CACNB2: variants seen among roughly 807,000 people sequenced by gnomAD.
The protein encoded by CACNB2 is calcium voltage-gated channel auxiliary subunit beta 2.
In CACNB2, 42 loss-of-function variants were observed where a neutral mutation model predicts 73.3. The ratio of observed to expected loss-of-function variants is 0.57; its 90% confidence interval spans 0.45 to 0.74. The LOEUF is 0.74. Among genes scored for constraint, CACNB2 ranks in the 30% least tolerant of loss-of-function variants. The probability of loss-of-function intolerance (pLI) is 0.00; values close to 1 mark genes in which losing one functional copy is unlikely to be tolerated. For synonymous variants in CACNB2, 348 were observed against 310.3 expected, an observed-to-expected ratio of 1.12 and a Z score of -1.28; for missense variants, 940 against 853.0, an observed-to-expected ratio of 1.10 and a Z score of -1.27.
intron 5 of CACNB2, among the ~76,000 whole-genome samples, chr10:18,504,864 C>G (rs181716078): frequency 1.6e-4 from 24 of 152,320 alleles, no homozygotes; most frequent in African/African-American, 4.8e-4. Flanking sequence ...AGGCTGGTCT[C>G]AAACTCCCAA....
chr10:18,271,375 C>A (rs1309967473), intron 2 of CACNB2, among the ~76,000 whole-genome samples: 1 of 152,122 alleles, frequency 6.6e-6, no homozygotes, highest in Non-Finnish European at 1.5e-5. Context: ...ACGAAATTGA[C>A]TAAAAGCCAC....
chr10:18,248,973 A>G (rs948919094), intron 2 of CACNB2, among the ~76,000 whole-genome samples: 1 of 152,128 alleles, frequency 6.6e-6, no homozygotes, highest in South Asian at 2.1e-4. Context: ...ATGACCACAA[A>G]TATCCACCTG....
At chr10:18,429,808 G>C (rs1328085556) in intron 3 of CACNB2, among the ~76,000 whole-genome samples, 2 of 71,698 alleles carry the variant, frequency 2.8e-5, no homozygotes, top group African/African-American at 6.3e-5. Context: ...CGTCTCTACC[G>C]AAAAAAAAAA....
intron 2 of CACNB2, among the ~76,000 whole-genome samples, chr10:18,325,930 A>G (rs2040572920): frequency 6.6e-6 from 1 of 151,894 alleles, no homozygotes; most frequent in Non-Finnish European, 1.5e-5. Context: ...CTTTTTGTAG[A>G]GATGTAATTC....
At chr10:18,196,383 C>A (rs1190197918) in intron 2 of CACNB2, among the ~76,000 whole-genome samples, 1 of 150,526 alleles carries the variant, frequency 6.6e-6, no homozygotes, top group African/African-American at 2.4e-5. Context: ...GCAGCCTGGT[C>A]ATGGCTCATT....
chr10:18,159,450 C>T (rs2032298246), intron 2 of CACNB2, among the ~76,000 whole-genome samples: 1 of 152,196 alleles, frequency 6.6e-6, no homozygotes, highest in Non-Finnish European at 1.5e-5. Flanking sequence ...TGCTCACCAA[C>T]ATATGCTGTG....
intron 2 of CACNB2, among the ~76,000 whole-genome samples, chr10:18,383,792 G>A (rs921666015): frequency 2.6e-5 from 4 of 152,052 alleles, no homozygotes; most frequent in Admixed American, 6.5e-5. Flanking sequence ...TACAACCTCC[G>A]CTTCCCGGAT....
intron 3 of CACNB2, among the ~76,000 whole-genome samples, chr10:18,465,056 A>G (rs966241896): frequency 6.6e-6 from 1 of 152,202 alleles, no homozygotes; most frequent in East Asian, 1.9e-4. Context: ...ACAGCCGGGC[A>G]TGGTGGCTCA....
intron 3 of CACNB2, among the ~76,000 whole-genome samples, chr10:18,423,088 T>C (rs1288329342): frequency 6.6e-6 from 1 of 152,212 alleles, no homozygotes; most frequent in African/African-American, 2.4e-5. Context: ...AGTGTGTGAA[T>C]GGAATCCTAA....
At chr10:18,431,269 C>T (rs1245528086) in intron 3 of CACNB2, among the ~76,000 whole-genome samples, 1 of 152,168 alleles carries the variant, frequency 6.6e-6, no homozygotes, top group Non-Finnish European at 1.5e-5. Context: ...GCGTGAACCA[C>T]CATTCCTGGC....
At chr10:18,344,066 CAAAAAAA>C (rs57533459) in intron 2 of CACNB2, among the ~76,000 whole-genome samples, 1 of 109,492 alleles carries the variant, frequency 9.1e-6, no homozygotes, top group African/African-American at 3.1e-5. Flanking sequence ...AAGCATTTAT[CAAAAAAA>C]AAAAAAAAAA....
intron 2 of CACNB2, among the ~76,000 whole-genome samples, chr10:18,353,252 A>G (rs2041783834): frequency 6.6e-6 from 1 of 152,118 alleles, no homozygotes; most frequent in African/African-American, 2.4e-5. Context: ...TCTACTAAAA[A>G]TACAAAAATT....
At chr10:18,214,808 C>T (rs1371895250) in intron 2 of CACNB2, among the ~76,000 whole-genome samples, 1 of 151,958 alleles carries the variant, frequency 6.6e-6, no homozygotes, top group East Asian at 1.9e-4. Context: ...GTAGCAGTGG[C>T]TGTTTGTGAA....
intron 3 of CACNB2, among the ~76,000 whole-genome samples, chr10:18,495,639 C>T (rs1589542461): frequency 6.7e-6 from 1 of 149,962 alleles, no homozygotes; most frequent in African/African-American, 2.5e-5. Context: ...TCTCAAACTC[C>T]TGGGCTCAAG....
chr10:18,329,005 C>T (rs1003892641), intron 2 of CACNB2, among the ~76,000 whole-genome samples: 4 of 152,172 alleles, frequency 2.6e-5, no homozygotes, highest in Non-Finnish European at 4.4e-5. Flanking sequence ...ACTTGGAGAA[C>T]CCCTCACAAG....
chr10:18,154,631 C>G (rs1328656215), intron 2 of CACNB2, among the ~76,000 whole-genome samples: 1 of 152,116 alleles, frequency 6.6e-6, no homozygotes, highest in Non-Finnish European at 1.5e-5. Flanking sequence ...CCATGTCTGG[C>G]TAATATTCGT....
intron 2 of CACNB2, among the ~76,000 whole-genome samples, chr10:18,336,416 C>T (rs2041007455): frequency 6.6e-6 from 1 of 152,144 alleles, no homozygotes; most frequent in African/African-American, 2.4e-5. Context: ...GTCAGGAGTT[C>T]AAGACCAGCC....
At position 18,538,045 on chromosome 10, in the gene CACNB2, T is replaced by C. The variant is rs2272274; in HGVS notation, c.1303-135T>C. The C allele has an allele frequency of 0.37, 304,075 of 813,030 alleles. 60,275 individuals are homozygous for C. Among genetic ancestry groups the C allele is most frequent in the East Asian group, 0.72 (28,912 of 40,398 alleles). The allele number at this position is 813,030 out of a possible 1,614,324, so 50.4% of individuals were successfully genotyped here. A position where few individuals can be genotyped will look rare whatever the true frequency, so the allele number is the denominator to read the frequency against. On this transcript the variant is annotated intron_variant, in intron 12 of 13. Coordinates refer to ENST00000324631, the MANE Select transcript of CACNB2 (RefSeq NM_201596.3). Reference sequence around the variant, plus strand: ...CTTCCTAACTAAATAAAAAGGGAGATAGTAGCAGCACTTATAGAAGCAGGA... The same window carrying C: ...CTTCCTAACTAAATAAAAAGGGAGACAGTAGCAGCACTTATAGAAGCAGGA...
intron 2 of CACNB2, among the ~76,000 whole-genome samples, chr10:18,358,710 T>A (rs1166047971): frequency 6.6e-6 from 1 of 152,092 alleles, no homozygotes; most frequent in Non-Finnish European, 1.5e-5. Flanking sequence ...TAGACAAAGC[T>A]GGCTAGGAAA....
Sources: allele counts gnomAD v4.1 joint callset (sites outside exome capture counted in the v4.1 genomes callset), GRCh38; gene constraint gnomAD v4.1.1; transcripts MANE v1.5; gene names NCBI Gene and HGNC (gene_info 2026-07-23, HGNC 2026-07-21).